Variants in KYAT3 observed in about 807,000 individuals in gnomAD.
KYAT3 encodes the protein kynurenine--oxoglutarate transaminase 3.
A neutral mutation model predicts 59.0 loss-of-function variants in KYAT3; 50 were observed. The observed-to-expected ratio is 0.85, with a 90% CI of 0.68 to 1.07. The LOEUF is 1.07. Among genes scored for constraint, KYAT3 ranks in the 50% least tolerant of loss-of-function variants. The pLI is 0.00. For missense variants in KYAT3, 497 were observed against 533.3 expected (o/e 0.93, Z 0.67); for synonymous variants, 148 against 177.0 (o/e 0.84, Z 1.30).
chr1:88,953,531 G>A (rs1212308182), intron 9 of KYAT3, among the ~76,000 whole-genome samples: 1 of 127,128 alleles, frequency 7.9e-6, no homozygotes, highest in Non-Finnish European at 1.6e-5. Flanking sequence ...GGGCAACAGA[G>A]TGAGACTCTA....
chr1:88,984,280 TCTTGG>T (rs1284029562), intron 2 of KYAT3, among the ~76,000 whole-genome samples: 3 of 134,048 alleles, frequency 2.2e-5, no homozygotes, highest in Non-Finnish European at 4.7e-5. Context: ...AGCGGCGCAA[TCTTGG>T]CTCACTGCAA....
chr1:88,955,649 T>G (rs1432981121), intron 8 of KYAT3, among the ~76,000 whole-genome samples: 1 of 152,172 alleles, frequency 6.6e-6, no homozygotes, highest in Admixed American at 6.5e-5. Context: ...CCCCTTTATT[T>G]TGCCTATTTT....
At chr1:88,933,039 A>T (rs1288165860), downstream of KYAT3, among the ~76,000 whole-genome samples, 1 of 152,026 alleles carries the variant, frequency 6.6e-6, no homozygotes, top group Non-Finnish European at 1.5e-5. Flanking sequence ...TCTCCCCAAG[A>T]TCTGCACAAG....
At chr1:88,947,452 C>T (rs1675488497) in intron 11 of KYAT3, among the ~76,000 whole-genome samples, 1 of 152,216 alleles carries the variant, frequency 6.6e-6, no homozygotes, top group African/African-American at 2.4e-5. Flanking sequence ...CTCTCCTCCT[C>T]CTAGAGAGTG....
At chr1:88,949,308 G>A in intron 10 of KYAT3, 31 bp from the exon 11 acceptor site, 2 of 1,449,532 alleles carry the variant, frequency 1.4e-6, no homozygotes, top group South Asian at 2.8e-5. Flanking sequence ...AATATGAAAA[G>A]GCATATGGCA....
chr1:88,964,714 T>G, intron 5 of KYAT3, 115 bp downstream of exon 5: 1 of 852,670 alleles, frequency 1.2e-6, no homozygotes. Flanking sequence ...TGCATTATAC[T>G]TAAAACATAA....
chr1:88,962,214 C>T, intron 5 of KYAT3, 69 bp from the exon 6 acceptor site: 3 of 1,153,244 alleles, frequency 2.6e-6, no homozygotes, highest in South Asian at 1.2e-5. Context: ...TGTGTACCTA[C>T]TATGGGCTAG....
intron 2 of KYAT3, among the ~76,000 whole-genome samples, chr1:88,977,874 A>G (rs1676865759): frequency 6.6e-6 from 1 of 152,142 alleles, no homozygotes; most frequent in African/African-American, 2.4e-5. Context: ...CCATTATGTT[A>G]CAGTTGCCTG....
chr1:88,955,085 A>G (rs1324977567), intron 9 of KYAT3, 64 bp downstream of exon 9: 1 of 1,100,740 alleles, frequency 9.1e-7, no homozygotes, highest in African/African-American at 1.6e-5. Flanking sequence ...AACACAAACC[A>G]CTCAACAAAA....
the KYAT3 span, among the ~76,000 whole-genome samples, chr1:88,924,431 GCC>G: frequency 6.6e-6 from 1 of 152,074 alleles, no homozygotes; most frequent in Non-Finnish European, 1.5e-5. Context: ...GTGTCTGTGA[GCC>G]TTTCCTTAAT....
chr1:88,978,676 A>AT (rs34867665), intron 2 of KYAT3, among the ~76,000 whole-genome samples: 37,589 of 143,272 alleles, frequency 0.26, 5,787 homozygotes, highest in Admixed American at 0.36. Context: ...TTTGTTCTTA[A>AT]TTTTTTTTTT....
chr1:88,982,782 G>A (rs1677166853), intron 2 of KYAT3: 109 of 1,613,982 alleles, frequency 6.8e-5, no homozygotes, highest in Non-Finnish European at 9.1e-5. Context: ...ACAGAAGGGG[G>A]AAGCCCTCTT....
intron 13 of KYAT3, among the ~76,000 whole-genome samples, chr1:88,936,577 C>A (rs887178538): frequency 4.6e-5 from 7 of 152,174 alleles, no homozygotes; most frequent in African/African-American, 1.4e-4. Context: ...CTAATGGCTA[C>A]CACCAAAATC....
chr1:88,943,203 TC>T, intron 12 of KYAT3, 112 bp from the exon 13 acceptor site: 1 of 1,072,270 alleles, frequency 9.3e-7, no homozygotes, highest in Non-Finnish European at 1.4e-6. Flanking sequence ...CACAATAATT[TC>T]CAAAAAGAAA....
the KYAT3 span, among the ~76,000 whole-genome samples, chr1:88,926,204 A>G: frequency 6.6e-6 from 1 of 152,240 alleles, no homozygotes; most frequent in East Asian, 1.9e-4. Context: ...ATTCTGTTAG[A>G]AAAAGGTAAT....
At position 88,964,882 on chromosome 1, in the gene KYAT3, C is replaced by A; in HGVS notation, c.400G>T (p.Ala134Ser). Reference sequence around the variant, plus strand: ...ATGGTGTTAAAAAGAGATCCATATGCTCCTACTGTCACAAGGATTTCTTTA... The same window carrying A: ...ATGGTGTTAAAAAGAGATCCATATGATCCTACTGTCACAAGGATTTCTTTA... ...SNKEILVTVG[A>S]YGSLFNTIQA... The change falls in exon 5 of 14, where the codon GCA becomes TCA. Residue 134 changes from alanine (A) to serine (S), a missense_variant. Ala to Ser is a moderately conservative substitution (Grantham distance 99). Around this residue, in one of 2 missense-constraint regions of KYAT3, gnomAD observed 469 missense variants for 479.1 expected, o/e 0.98. Transcript: ENST00000260508. 6.2e-7 allele frequency: 1 copy of A among 1,608,808 alleles called. No individual in the cohort carries two copies. The highest frequency in any genetic ancestry group is 1.1e-5 in the South Asian group (1 of 89,792).
chr1:88,992,691 ACT>A (rs757213821), upstream of KYAT3: 1 of 151,628 alleles, frequency 6.6e-6, no homozygotes, highest in Non-Finnish European at 1.5e-5. Context: ...ACAGGGATTG[ACT>A]CTGGGGTTTG....
chr1:88,956,857 T>C (rs777369849), intron 8 of KYAT3, among the ~76,000 whole-genome samples: 4 of 152,242 alleles, frequency 2.6e-5, no homozygotes, highest in Non-Finnish European at 5.9e-5. Flanking sequence ...ACAATACTGC[T>C]TTGTGGATTC....
intron 9 of KYAT3, 96 bp from the exon 10 acceptor site, chr1:88,953,248 C>T (rs1675755398): frequency 2.5e-6 from 2 of 808,584 alleles, no homozygotes; most frequent in Admixed American, 4.3e-5. Flanking sequence ...TAAATATATA[C>T]AATCCTAAAA....
Sources: allele counts gnomAD v4.1 joint callset (sites outside exome capture counted in the v4.1 genomes callset), GRCh38; gene constraint gnomAD v4.1.1; regional missense constraint gnomAD v4.1.1; transcripts MANE v1.5; gene names NCBI Gene and HGNC (gene_info 2026-07-23, HGNC 2026-07-21).